CDH4: variants seen among roughly 807,000 people sequenced by gnomAD.
CDH4 encodes the protein cadherin 4, also known as cadherin-4.
CDH4 carries 33 observed loss-of-function variants against 86.0 expected under a neutral mutation model. The observed-to-expected ratio is 0.38, with a 90% CI of 0.29 to 0.51. The LOEUF (loss-of-function observed/expected upper bound fraction) is 0.51. Among genes scored for constraint, CDH4 ranks in the 20% least tolerant of loss-of-function variants. The pLI is 0.86. For missense variants in CDH4, 1,114 were observed against 1,307.4 expected (o/e 0.85, Z 2.28); for synonymous variants, 555 against 549.4 (o/e 1.01, Z -0.14).
At position 61,263,202 on chromosome 20, in the gene CDH4, A is replaced by G. The variant is rs538445954; in HGVS notation, c.169+8265A>G. On this transcript the variant is annotated intron_variant, in intron 2 of 15. Transcript: ENST00000614565. ...CCAGAGTGGGACTGTGGTGTCTGGCAAGCTGGGCTGGTAAAATCCTTGGTT... is the reference window on the plus strand; with the variant it reads ...CCAGAGTGGGACTGTGGTGTCTGGCGAGCTGGGCTGGTAAAATCCTTGGTT... Among the ~76,000 whole-genome samples the G allele has an allele frequency of 8.5e-5, 13 of 152,200 alleles. No individual in the cohort carries two copies. In the South Asian group the frequency reaches 2.7e-3, roughly 32 times the overall value.
intron 4 of CDH4, among the ~76,000 whole-genome samples, chr20:61,797,755 C>T (rs879494940): frequency 1.3e-5 from 2 of 152,212 alleles, no homozygotes; most frequent in Non-Finnish European, 2.9e-5. Flanking sequence ...ACACTGCACT[C>T]CAGCCTGGCT....
intron 2 of CDH4, among the ~76,000 whole-genome samples, chr20:61,446,605 G>C (rs534189476): frequency 6.6e-6 from 1 of 151,790 alleles, no homozygotes; most frequent in South Asian, 2.1e-4. Context: ...GCTGTAAAGC[G>C]AATTCTTGTG....
chr20:61,762,584 C>T (rs2088648202), intron 3 of CDH4, among the ~76,000 whole-genome samples: 1 of 152,244 alleles, frequency 6.6e-6, no homozygotes, highest in African/African-American at 2.4e-5. Flanking sequence ...CCACTGCACT[C>T]TGTCCAGCCT....
At chr20:61,446,133 G>A (rs75631753) in intron 2 of CDH4, among the ~76,000 whole-genome samples, 6,202 of 152,300 alleles carry the variant, frequency 0.041, 436 homozygotes, top group African/African-American at 0.14. Flanking sequence ...TGGGAAGGGT[G>A]TGTTTTACTA....
At chr20:61,613,834 C>G (rs2086704487) in intron 2 of CDH4, among the ~76,000 whole-genome samples, 1 of 151,406 alleles carries the variant, frequency 6.6e-6, no homozygotes, top group Admixed American at 6.6e-5. Context: ...TTTCCAACAT[C>G]CTGAAGCTCA....
rs1178718509 is a variant in CDH4, at chr20:61,703,347, A to G, written c.170-40216A>G. 1.3e-5 allele frequency among the ~76,000 whole-genome samples: 2 copies of G among 152,122 alleles called. No homozygotes were observed. Among genetic ancestry groups the G allele is most frequent in the Non-Finnish European group, 2.9e-5 (2 of 68,032 alleles). ...AGTACACACCACGAGTGTCATGGAG[A>G]AAATAGGCCTGGCAGGATGGACACA... On this transcript the variant is annotated intron_variant, in intron 2 of 15. Coordinates refer to ENST00000614565, the MANE Select transcript of CDH4 (RefSeq NM_001794.5). This position sits in a 1 kb window ranked among gnomAD's most constrained non-coding sequence, Gnocchi z 4.3.
At chr20:61,716,915 T>A (rs1317481528) in intron 2 of CDH4, among the ~76,000 whole-genome samples, 1 of 151,874 alleles carries the variant, frequency 6.6e-6, no homozygotes, top group Non-Finnish European at 1.5e-5. Flanking sequence ...CTCAAAAAAA[T>A]AAATAAATAA....
At chr20:61,706,156 G>A (rs537501536) in intron 2 of CDH4, among the ~76,000 whole-genome samples, 94 of 152,284 alleles carry the variant, frequency 6.2e-4, no homozygotes, top group Non-Finnish European at 1.2e-3. Context: ...GCGCCTGCTC[G>A]GCAACTGTTC....
At chr20:61,825,036 C>T (rs886064372) in intron 4 of CDH4, among the ~76,000 whole-genome samples, 1 of 152,158 alleles carries the variant, frequency 6.6e-6, no homozygotes, top group African/African-American at 2.4e-5. Flanking sequence ...TGATTTTTCT[C>T]ACTCTACATA....
chr20:61,686,974 A>G (rs1216413277), intron 2 of CDH4, among the ~76,000 whole-genome samples: 1 of 144,736 alleles, frequency 6.9e-6, no homozygotes, highest in Non-Finnish European at 1.5e-5. Flanking sequence ...TCCCCCGACT[A>G]GCAAGGTGTT....
intron 3 of CDH4, among the ~76,000 whole-genome samples, chr20:61,771,087 T>C (rs528152532): frequency 3.0e-4 from 44 of 148,632 alleles, no homozygotes; most frequent in African/African-American, 9.6e-4. Flanking sequence ...CTTGGCTCAC[T>C]GCAACCTCCA....
chr20:61,367,495 C>T (rs1469417151), intron 2 of CDH4, among the ~76,000 whole-genome samples: 5 of 151,860 alleles, frequency 3.3e-5, no homozygotes, highest in African/African-American at 1.2e-4. Flanking sequence ...CTCCCACTGA[C>T]CCAACCTTGA....
At chr20:61,813,659 C>T (rs1446413302) in intron 4 of CDH4, among the ~76,000 whole-genome samples, 7 of 152,176 alleles carry the variant, frequency 4.6e-5, no homozygotes, top group East Asian at 1.9e-4. Context: ...CTCTGGCTGT[C>T]GGAAGGGCAA....
intron 2 of CDH4, among the ~76,000 whole-genome samples, chr20:61,278,541 C>A (rs2084241975): frequency 1.3e-5 from 2 of 152,234 alleles, no homozygotes; most frequent in African/African-American, 4.8e-5. Flanking sequence ...GCCCCTTCTG[C>A]TCTGAGAGGC....
rs922346495 is a variant in CDH4 at position 61,516,992 on chromosome 20, C to T, written c.170-226571C>T. 6.6e-6 allele frequency among the ~76,000 whole-genome samples: 1 copy of T among 152,140 alleles called. No individual in the cohort carries two copies. Among genetic ancestry groups the T allele is most frequent in the African/African-American group, 2.4e-5 (1 of 41,420 alleles). On this transcript the variant is annotated intron_variant, in intron 2 of 15. Coordinates refer to ENST00000614565, the MANE Select transcript of CDH4 (RefSeq NM_001794.5). This position sits in a 1 kb window ranked among gnomAD's most constrained non-coding sequence, Gnocchi z 4.0. The stretch of plus-strand genomic sequence containing the variant: ...TCATGCACGCCCTGAAAAATGCAGG[C>T]ATGATTAGTACCCAACCAGACAGCT...
At chr20:61,926,735 T>TG (rs1320154238) in intron 11 of CDH4, among the ~76,000 whole-genome samples, 2 of 152,096 alleles carry the variant, frequency 1.3e-5, no homozygotes. Flanking sequence ...TAGCTAGGCA[T>TG]GGTGGTGCAC....
intron 9 of CDH4, among the ~76,000 whole-genome samples, chr20:61,917,257 A>G (rs2054912643): frequency 6.6e-6 from 1 of 152,264 alleles, no homozygotes; most frequent in East Asian, 1.9e-4. Context: ...CAGGTCCCCA[A>G]ACCCAAATAC....
chr20:61,276,859 C>G (rs1438322686), intron 2 of CDH4, among the ~76,000 whole-genome samples: 1 of 152,166 alleles, frequency 6.6e-6, no homozygotes, highest in African/African-American at 2.4e-5. Context: ...TCCTAGACAC[C>G]TGTGGGTTCC....
chr20:61,338,599 T>A (rs926800936), intron 2 of CDH4, among the ~76,000 whole-genome samples: 14 of 152,190 alleles, frequency 9.2e-5, no homozygotes. Context: ...CTTTAATTTG[T>A]TCATGGAGTC....
Sources: allele counts gnomAD v4.1 joint callset (sites outside exome capture counted in the v4.1 genomes callset), GRCh38; gene constraint gnomAD v4.1.1; non-coding constraint Gnocchi (gnomAD v3.1); transcripts MANE v1.5; gene names NCBI Gene and HGNC (gene_info 2026-07-23, HGNC 2026-07-21).